Variants in KLHL5 observed in about 807,000 individuals in gnomAD.
KLHL5 encodes the protein kelch-like protein 5.
A neutral mutation model predicts 77.7 loss-of-function variants in KLHL5; 48 were observed. That is an observed-to-expected ratio of 0.62 (90% CI 0.49 to 0.79). The LOEUF (loss-of-function observed/expected upper bound fraction) is 0.79, where lower values mean the gene tolerates loss of function less well. Ranked by LOEUF, KLHL5 falls within the 30% of genes least tolerant of loss-of-function variation. KLHL5 has a pLI of 0.00. For missense variants in KLHL5, 723 were observed against 859.7 expected (o/e 0.84, Z 1.99); for synonymous variants, 260 against 297.0 (o/e 0.88, Z 1.28).
At chr4:39,126,921 C>A (rs1183482475), downstream of KLHL5, 7 of 362,650 alleles carry the variant, frequency 1.9e-5, no homozygotes, top group Non-Finnish European at 1.6e-5. Flanking sequence ...CTGGGCAACC[C>A]TTGCTGACGT....
chr4:39,077,543 T>G (rs889514918), intron 2 of KLHL5, among the ~76,000 whole-genome samples: 5 of 151,994 alleles, frequency 3.3e-5, no homozygotes, highest in African/African-American at 1.2e-4. Context: ...CACCTTACTC[T>G]TGCAAGAATG....
intron 1 of KLHL5, among the ~76,000 whole-genome samples, chr4:39,065,005 G>GA (rs1717761779): frequency 1.3e-5 from 2 of 151,992 alleles, no homozygotes; most frequent in Admixed American, 1.3e-4. Flanking sequence ...TGTACTGTGA[G>GA]AAAATGTTTT....
chr4:39,091,887 T>C (rs1720614770), intron 5 of KLHL5, among the ~76,000 whole-genome samples: 1 of 147,444 alleles, frequency 6.8e-6, no homozygotes, highest in Non-Finnish European at 1.5e-5. Context: ...CGTCTCACTT[T>C]GTTGCCCAAG....
At chr4:39,096,573 T>C in intron 5 of KLHL5, 119 bp from the exon 6 acceptor site, 1 of 640,560 alleles carries the variant, frequency 1.6e-6, no homozygotes, top group Non-Finnish European at 2.7e-6. Flanking sequence ...TAAAAATATG[T>C]GCCTATGCTT....
At chr4:39,055,628 T>A (rs1240036460) in intron 1 of KLHL5, among the ~76,000 whole-genome samples, 1 of 152,222 alleles carries the variant, frequency 6.6e-6, no homozygotes. Flanking sequence ...GATTATTGAC[T>A]TTTTTCTTTA....
In KLHL5 at chr4:39,124,202, G is replaced by A. The variant is rs1723387125; in HGVS notation, c.*3136G>A. ...GAAGACATCCTGTGCTGGCAGGTTG[G>A]AAGACTTAACATTGTTAAGATGGCA... On this transcript the variant is annotated 3_prime_UTR_variant, in exon 11 of 11. Coordinates refer to ENST00000504108, the MANE Select transcript of KLHL5 (RefSeq NM_015990.5). 6.6e-6 allele frequency among the ~76,000 whole-genome samples: 1 copy of A among 152,142 alleles called. No homozygotes were observed. Among genetic ancestry groups the A allele is most frequent in the Admixed American group, 6.5e-5 (1 of 15,274 alleles).
At chr4:39,063,806 A>G (rs763724037) in intron 1 of KLHL5, 11 of 175,642 alleles carry the variant, frequency 6.3e-5, no homozygotes, top group Admixed American at 1.1e-4. Context: ...AGGTAATTTC[A>G]TAGTGACTTT....
chr4:39,136,956 G>A, the KLHL5 span, among the ~76,000 whole-genome samples: 1 of 152,132 alleles, frequency 6.6e-6, no homozygotes, highest in East Asian at 1.9e-4. Context: ...GAGTGGGTGT[G>A]GTAGCAGAAA....
rs547100096 is a variant in KLHL5 at position 39,072,669 on chromosome 4, C to T, written c.384-3296C>T. On this transcript the variant is annotated intron_variant, in intron 1 of 10. Coordinates refer to ENST00000504108, the MANE Select transcript of KLHL5 (RefSeq NM_015990.5). ...GTATTGGACAGCACAGCTCTAGAAA[C>T]TTCCTAAAATGTGCTTCATCGCTCA... Among the ~76,000 whole-genome samples the T allele has an allele frequency of 2.0e-5, 3 of 152,274 alleles. No individual in the cohort carries two copies. In the South Asian group the frequency reaches 6.2e-4, roughly 32 times the overall value.
chr4:39,077,006 A>T (rs1409666358), intron 2 of KLHL5, among the ~76,000 whole-genome samples: 1 of 151,972 alleles, frequency 6.6e-6, no homozygotes, highest in East Asian at 1.9e-4. Context: ...AGAGGGAGAA[A>T]ATATTCACAA....
chr4:39,105,775 T>C (rs965312739), intron 7 of KLHL5, among the ~76,000 whole-genome samples: 5 of 133,438 alleles, frequency 3.7e-5, no homozygotes, highest in Non-Finnish European at 8.0e-5. Context: ...CACACACACA[T>C]AAAATCTCCA....
At position 39,100,003 on chromosome 4, in the gene KLHL5, T is replaced by C. The variant is rs183371719; in HGVS notation, c.1300+3125T>C. ...CTCTTTTTCTCTCCTTTTCAAGGCT[T>C]TAACTGTTATCTCTATATTTATGTA... On this transcript the variant is annotated intron_variant, in intron 6 of 10. Coordinates refer to ENST00000504108, the MANE Select transcript of KLHL5 (RefSeq NM_015990.5). Among the ~76,000 whole-genome samples, 3 of 152,350 alleles carry C rather than the reference T, an allele frequency of 2.0e-5. No individual in the cohort carries two copies. The East Asian group carries it at 5.8e-4, about 29-fold the overall frequency.
chr4:39,108,683 A>G (rs1250711049), intron 8 of KLHL5, among the ~76,000 whole-genome samples: 60 of 152,164 alleles, frequency 3.9e-4, no homozygotes, highest in Non-Finnish European at 7.4e-5. Flanking sequence ...AATCACTTCA[A>G]AGTTCATCAC....
At position 39,100,923 on chromosome 4, in the gene KLHL5, C is replaced by T. The variant is rs191857207; in HGVS notation, c.1301-2364C>T. On this transcript the variant is annotated intron_variant, in intron 6 of 10. Transcript: ENST00000504108. Reference sequence around the variant, plus strand: ...CGGTTGGTAGTCTGACCATTGGACTCTTGGTCCCTTCATATATCTGTTTAG... The same window carrying T: ...CGGTTGGTAGTCTGACCATTGGACTTTTGGTCCCTTCATATATCTGTTTAG... Among the ~76,000 whole-genome samples, 56 of 152,128 alleles carry T rather than the reference C, an allele frequency of 3.7e-4. No individual in the cohort carries two copies. The East Asian group carries it at 7.7e-3, about 21-fold the overall frequency.
intron 10 of KLHL5, among the ~76,000 whole-genome samples, chr4:39,117,843 G>A (rs1028631664): frequency 6.6e-6 from 1 of 152,166 alleles, no homozygotes; most frequent in African/African-American, 2.4e-5. Context: ...GGGAGGCCAA[G>A]GTCGGCGGAT....
rs575038096 is a variant in KLHL5 at position 39,123,782 on chromosome 4, C to T, written c.*2716C>T. 2.6e-5 allele frequency among the ~76,000 whole-genome samples: 4 copies of T among 152,176 alleles called. No individual in the cohort carries two copies. The South Asian group carries it at 8.3e-4, about 32-fold the overall frequency. On this transcript the variant is annotated 3_prime_UTR_variant, in exon 11 of 11. Transcript: ENST00000504108. ...TAGCAAAACATTGAAAATTTTTCCC[C>T]TAATATCATGAAAATTCCTGATTTC...
At chr4:39,128,536 A>G (rs993169207), downstream of KLHL5, among the ~76,000 whole-genome samples, 2 of 152,230 alleles carry the variant, frequency 1.3e-5, no homozygotes, top group South Asian at 2.1e-4. Context: ...TTATCATTAC[A>G]GTTTGTAATT....
the KLHL5 span, among the ~76,000 whole-genome samples, chr4:39,133,558 C>A: frequency 1.5e-5 from 2 of 137,588 alleles, no homozygotes; most frequent in Non-Finnish European, 3.1e-5. Flanking sequence ...CATAGCAAGA[C>A]CCCATTTCCT....
intron 5 of KLHL5, among the ~76,000 whole-genome samples, chr4:39,087,727 A>T (rs1232049142): frequency 6.6e-6 from 1 of 152,128 alleles, no homozygotes; most frequent in Non-Finnish European, 1.5e-5. Context: ...TGCCTATCTC[A>T]AGGCCTTGAA....
Sources: gnomAD v4.1 joint callset for allele counts (sites outside exome capture counted in the v4.1 genomes callset) on GRCh38, gnomAD v4.1.1 for gene constraint, MANE v1.5 for transcripts, NCBI Gene and HGNC (gene_info 2026-07-23, HGNC 2026-07-21) for gene names.